PTP4A2: variants seen among roughly 807,000 people sequenced by gnomAD.
PTP4A2 encodes the protein protein tyrosine phosphatase type IVA 2.
In PTP4A2, 2 loss-of-function variants were observed where a neutral mutation model predicts 22.9. That is an observed-to-expected ratio of 0.09 (90% CI 0.04 to 0.27). The LOEUF (loss-of-function observed/expected upper bound fraction) is 0.27, where lower values mean the gene tolerates loss of function less well. PTP4A2 is among the 10% of genes least tolerant of loss of function. The probability of loss-of-function intolerance (pLI) is 1.00; values close to 1 mark genes in which losing one functional copy is unlikely to be tolerated. For missense variants in PTP4A2, 103 were observed against 205.1 expected (o/e 0.50, Z 3.04); for synonymous variants, 68 against 69.1 (o/e 0.98, Z 0.08).
At chr1:31,911,094 A>G (rs1369159193) in intron 4 of PTP4A2, 3 of 152,292 alleles carry the variant, frequency 2.0e-5, no homozygotes, top group African/African-American at 7.2e-5. Context: ...CCACACTACA[A>G]AAAAGGAAAT....
At chr1:31,923,612 G>T (rs1218917254) in intron 1 of PTP4A2, among the ~76,000 whole-genome samples, 2 of 151,924 alleles carry the variant, frequency 1.3e-5, no homozygotes, top group Non-Finnish European at 2.9e-5. Context: ...GGGATTACAG[G>T]CGTGAGCCAC....
chr1:31,929,607 T>C (rs1652632190), intron 1 of PTP4A2, among the ~76,000 whole-genome samples: 1 of 152,226 alleles, frequency 6.6e-6, no homozygotes, highest in Admixed American at 6.5e-5. Flanking sequence ...CCCCAGAAAG[T>C]TAAATCCTAA....
chr1:31,924,623 T>C (rs1652361855), intron 1 of PTP4A2, among the ~76,000 whole-genome samples: 1 of 152,234 alleles, frequency 6.6e-6, no homozygotes, highest in South Asian at 2.1e-4. Flanking sequence ...TTCTGCTCTA[T>C]CTACTTAAAT....
At chr1:31,937,907 T>A (rs1201218705) in intron 1 of PTP4A2, 80 bp downstream of exon 1, 1 of 145,524 alleles carries the variant, frequency 6.9e-6, no homozygotes, top group African/African-American at 2.5e-5. Flanking sequence ...CCTGCACTAA[T>A]GGCTGCGGCG....
At position 31,908,121 on chromosome 1, in the gene PTP4A2, T is replaced by TGG. The variant is rs1157834348; in HGVS notation, c.*730_*731insCC. ...CTAAAAACCACCTGGAAAATATATA[T>TGG]ATATATATATATATTATATTATATA... On this transcript the variant is annotated 3_prime_UTR_variant, in exon 6 of 6. Coordinates refer to ENST00000647444, the MANE Select transcript of PTP4A2 (RefSeq NM_080391.4). 1 of 3,784 alleles carries TGG rather than the reference T, an allele frequency of 2.6e-4. No individual in the cohort carries two copies. The highest frequency in any genetic ancestry group is 9.1e-4 in the African/African-American group (1 of 1,098). The allele number at this position is 3,784 out of a possible 1,614,324, so 0.2% of individuals were successfully genotyped here.
intron 2 of PTP4A2, among the ~76,000 whole-genome samples, chr1:31,918,016 C>T (rs540128783): frequency 7.1e-4 from 106 of 149,834 alleles, no homozygotes; most frequent in Non-Finnish European, 1.5e-4. Context: ...TTTGGGAGGC[C>T]GAGGTGACAG....
At chr1:31,923,036 ATTCTCCTG>A (rs532960662) in intron 1 of PTP4A2, among the ~76,000 whole-genome samples, 59 of 151,564 alleles carry the variant, frequency 3.9e-4, no homozygotes, top group African/African-American at 1.4e-3. Context: ...GGTTCAAGCA[ATTCTCCTG>A]CCTCAGCCTC....
chr1:31,925,180 AC>A (rs1412504589), intron 1 of PTP4A2, among the ~76,000 whole-genome samples: 3 of 152,210 alleles, frequency 2.0e-5, no homozygotes, highest in African/African-American at 7.2e-5. Context: ...CTACATCTTA[AC>A]ATATACCTTT....
At chr1:31,914,758 T>C (rs1390336527) in intron 3 of PTP4A2, among the ~76,000 whole-genome samples, 1 of 152,184 alleles carries the variant, frequency 6.6e-6, no homozygotes, top group East Asian at 1.9e-4. Flanking sequence ...AAGAATAAAA[T>C]GTTAACTAAT....
At chr1:31,910,176 T>C (rs538578470) in intron 4 of PTP4A2, 64 bp from the exon 5 acceptor site, 1 of 1,240,152 alleles carries the variant, frequency 8.1e-7, no homozygotes, top group South Asian at 1.2e-5. Flanking sequence ...TTTAAAAACC[T>C]GTAACTGCAT....
rs1651208300 is a variant in PTP4A2, at chr1:31,907,032, G to A, written c.*1820C>T. 1 of 152,188 alleles carries A rather than the reference G, an allele frequency of 6.6e-6. No individual in the cohort carries two copies. Among genetic ancestry groups the A allele is most frequent in the Non-Finnish European group, 1.5e-5 (1 of 68,036 alleles). 9.4% of individuals were successfully genotyped at this position (152,188 alleles called of 1,614,324 possible). On this transcript the variant is annotated 3_prime_UTR_variant, in exon 6 of 6. Transcript: ENST00000647444. Reference sequence around the variant, plus strand: ...ATTATTTTGTTTTGTTTTCTGGGATGGGAGAGGAGAGAATCTACAGATTTG... The same window carrying A: ...ATTATTTTGTTTTGTTTTCTGGGATAGGAGAGGAGAGAATCTACAGATTTG...
intron 1 of PTP4A2, among the ~76,000 whole-genome samples, chr1:31,932,029 G>A (rs1652746987): frequency 6.6e-6 from 1 of 152,120 alleles, no homozygotes; most frequent in Admixed American, 6.5e-5. Flanking sequence ...TAAAACGGTG[G>A]GGAAAATAAA....
intron 3 of PTP4A2, chr1:31,915,688 C>CA (rs923354332): frequency 2.6e-6 from 1 of 382,068 alleles, no homozygotes; most frequent in Non-Finnish European, 4.8e-6. Context: ...CACAGGTGTG[C>CA]ACCAACATGC....
intron 1 of PTP4A2, chr1:31,935,441 A>G (rs1451385945): frequency 6.6e-6 from 1 of 152,250 alleles, no homozygotes; most frequent in Non-Finnish European, 1.5e-5. Flanking sequence ...CTGCTAGGCC[A>G]TCACGTTGAT....
intron 2 of PTP4A2, among the ~76,000 whole-genome samples, chr1:31,916,520 A>G (rs972045854): frequency 6.6e-6 from 1 of 152,162 alleles, no homozygotes; most frequent in African/African-American, 2.4e-5. Flanking sequence ...GTTTGGTAGC[A>G]TAACGTGAAA....
intron 2 of PTP4A2, among the ~76,000 whole-genome samples, chr1:31,917,311 A>G (rs1265258224): frequency 6.6e-6 from 1 of 152,240 alleles, no homozygotes; most frequent in Non-Finnish European, 1.5e-5. Flanking sequence ...GTGATATCCT[A>G]TAAGAAGGGT....
chr1:31,915,712 T>A (rs552504511), intron 3 of PTP4A2, 183 bp downstream of exon 3: 3 of 409,428 alleles, frequency 7.3e-6, no homozygotes, highest in South Asian at 5.7e-5. Flanking sequence ...ACCAGTTTTT[T>A]AATTATCTGT....
Position 31,919,093 on chromosome 1 carries a change from G to A in PTP4A2, c.-28C>T, listed in dbSNP as rs754964653. Reference sequence around the variant, plus strand: ...TGGCAAATAAAAAGTGTGAGCGTGCGTGTGAGTGTGATGGGGAAAGTGAAA... The same window carrying A: ...TGGCAAATAAAAAGTGTGAGCGTGCATGTGAGTGTGATGGGGAAAGTGAAA... On this transcript the variant is annotated 5_prime_UTR_variant, in exon 2 of 6. The change creates a new upstream start codon in the 5' untranslated region. Coordinates refer to ENST00000647444, the MANE Select transcript of PTP4A2 (RefSeq NM_080391.4). The A allele has an allele frequency of 2.2e-5, 25 of 1,135,516 alleles. No homozygotes were observed. Among genetic ancestry groups the A allele is most frequent in the Non-Finnish European group, 2.6e-5 (20 of 754,828 alleles). The allele number at this position is 1,135,516 out of a possible 1,614,324, so 70.3% of individuals were successfully genotyped here. A position where few individuals can be genotyped will look rare whatever the true frequency, so the allele number is the denominator to read the frequency against.
chr1:31,909,768 T>A (rs1651437173), intron 5 of PTP4A2, among the ~76,000 whole-genome samples: 1 of 152,070 alleles, frequency 6.6e-6, no homozygotes, highest in African/African-American at 2.4e-5. Flanking sequence ...GTATTTGGAA[T>A]CTATTAAAAG....
Sources: gnomAD v4.1 joint callset for allele counts (sites outside exome capture counted in the v4.1 genomes callset) on GRCh38, gnomAD v4.1.1 for gene constraint, MANE v1.5 for transcripts, NCBI Gene and HGNC (gene_info 2026-07-23, HGNC 2026-07-21) for gene names.